The following ABCA13 variants were observed in gnomAD, a reference collection of about 807,000 sequenced individuals.
ABCA13 encodes the protein ATP-binding cassette sub-family A member 13.
ABCA13 carries 476 observed loss-of-function variants against 478.7 expected under a neutral mutation model. The observed-to-expected ratio is 0.99, with a 90% confidence interval of 0.92 to 1.07. The LOEUF is 1.07. Ranked by LOEUF, ABCA13 falls within the 50% of genes least tolerant of loss-of-function variation. The pLI, the probability that ABCA13 is intolerant of heterozygous loss-of-function variation, is 0.00. For synonymous variants in ABCA13, 2,252 were observed against 2,158.9 expected (o/e 1.04, Z -1.20); for missense variants, 6,060 against 5,910.6 (o/e 1.03, Z -0.83).
chr7:48,457,275 C>CTA (rs147499501), intron 43 of ABCA13, among the ~76,000 whole-genome samples: 38,598 of 151,450 alleles, frequency 0.25, 5,219 homozygotes, highest in Middle Eastern at 0.35. Flanking sequence ...TAAGCATCAT[C>CTA]TATATATATA....
At chr7:48,219,096 A>G (rs1786940667) in intron 3 of ABCA13, among the ~76,000 whole-genome samples, 1 of 152,362 alleles carries the variant, frequency 6.6e-6, no homozygotes, top group Non-Finnish European at 1.5e-5. Context: ...AAAATGGCTT[A>G]TAAACATAAA....
intron 48 of ABCA13, among the ~76,000 whole-genome samples, chr7:48,490,708 G>T (rs916792079): frequency 2.0e-5 from 3 of 152,176 alleles, no homozygotes; most frequent in African/African-American, 7.2e-5. Context: ...GAATGTAGAG[G>T]GATAATTGTT....
intron 43 of ABCA13, among the ~76,000 whole-genome samples, chr7:48,465,162 A>G (rs1477176381): frequency 1.3e-5 from 2 of 152,230 alleles, no homozygotes; most frequent in Admixed American, 1.3e-4. Context: ...ATACTATTTC[A>G]AAACGCATAG....
At chr7:48,215,644 A>G (rs1282782382) in intron 3 of ABCA13, among the ~76,000 whole-genome samples, 4 of 152,224 alleles carry the variant, frequency 2.6e-5, no homozygotes, top group African/African-American at 7.2e-5. Flanking sequence ...ACACAATTCA[A>G]TAATTGTTAG....
At chr7:48,471,948 G>T (rs1158217419) in intron 45 of ABCA13, among the ~76,000 whole-genome samples, 2 of 152,104 alleles carry the variant, frequency 1.3e-5, no homozygotes, top group Non-Finnish European at 2.9e-5. Context: ...TGACCTCAAG[G>T]TTCTTGCCAT....
At position 48,273,529 on chromosome 7, in the gene ABCA13, T is replaced by C. The variant is rs746146987; in HGVS notation, c.3863T>C (p.Phe1288Ser). Residue 1288 changes from phenylalanine (F) to serine (S), a missense_variant, in exon 17 of 62, where the codon TTC becomes TCC. Coordinates refer to ENST00000435803, the MANE Select transcript of ABCA13 (RefSeq NM_152701.5). ...REFLNSLLEV[F>S]IEFSSTSEYI... The stretch of plus-strand genomic sequence containing the variant: ...TTTTTAAATTCTCTGCTTGAAGTTT[T>C]CATTGAGTTTAGCAGTACCTCAGAA... 2.9e-5 allele frequency: 46 copies of C among 1,585,520 alleles called. No homozygotes were observed. The highest frequency in any genetic ancestry group is 3.3e-4 in the Middle Eastern group (2 of 6,040).
At chr7:48,330,739 A>ATCCG (rs2128932218) in intron 27 of ABCA13, among the ~76,000 whole-genome samples, 1 of 140,310 alleles carries the variant, frequency 7.1e-6, no homozygotes, top group Non-Finnish European at 1.6e-5. Context: ...CCATTGACAC[A>ATCCG]TCCATCCATC....
At chr7:48,175,827 C>T (rs1448912732) in intron 1 of ABCA13, among the ~76,000 whole-genome samples, 1 of 152,030 alleles carries the variant, frequency 6.6e-6, no homozygotes, top group African/African-American at 2.4e-5. Context: ...TAAATCTATC[C>T]CTATTCTCTC....
Position 48,646,250 on chromosome 7 carries a change from C to T in ABCA13, c.*738C>T, listed in dbSNP as rs938474609. 1.3e-5 allele frequency: 2 copies of T among 152,074 alleles called. No individual in the cohort carries two copies. Among genetic ancestry groups the T allele is most frequent in the African/African-American group, 2.4e-5 (1 of 41,432 alleles). 9.4% of individuals were successfully genotyped at this position (152,074 alleles called of 1,614,324 possible). A position where few individuals can be genotyped will look rare whatever the true frequency, so the allele number is the denominator to read the frequency against. On this transcript the variant is annotated 3_prime_UTR_variant, in exon 62 of 62. Coordinates refer to ENST00000435803, the MANE Select transcript of ABCA13 (RefSeq NM_152701.5). ...GAGAAATAAAATGTAGATGCATTTTCTTTTTCTTCATTTGGATGAATAATT... is the reference window on the plus strand; with the variant it reads ...GAGAAATAAAATGTAGATGCATTTTTTTTTTCTTCATTTGGATGAATAATT...
intron 31 of ABCA13, among the ~76,000 whole-genome samples, chr7:48,354,095 G>T (rs1259534922): frequency 6.6e-6 from 1 of 151,984 alleles, no homozygotes; most frequent in Non-Finnish European, 1.5e-5. Context: ...ACACCTGAGA[G>T]CTCTGAGAAT....
At chr7:48,524,223 A>C in intron 53 of ABCA13, 25 bp from the exon 54 acceptor site, 1 of 1,599,652 alleles carries the variant, frequency 6.3e-7, no homozygotes, top group Non-Finnish European at 8.5e-7. Context: ...CTAGGTGTGA[A>C]TTCACTCTGA....
chr7:48,312,308 G>A (rs1222858006), intron 24 of ABCA13, among the ~76,000 whole-genome samples: 1 of 152,166 alleles, frequency 6.6e-6, no homozygotes, highest in African/African-American at 2.4e-5. Context: ...CGAAGAGCTG[G>A]CATTTCCTCA....
chr7:48,632,126 A>C (rs1794221075), intron 59 of ABCA13, among the ~76,000 whole-genome samples: 1 of 152,104 alleles, frequency 6.6e-6, no homozygotes, highest in Admixed American at 6.6e-5. Context: ...AGATAGATTT[A>C]CTTCCTCTTT....
At chr7:48,409,523 C>T (rs1421785461) in intron 39 of ABCA13, among the ~76,000 whole-genome samples, 2 of 152,166 alleles carry the variant, frequency 1.3e-5, no homozygotes, top group Non-Finnish European at 2.9e-5. Context: ...TCACCCACAA[C>T]ATACTCTCCT....
intron 18 of ABCA13, 92 bp from the exon 19 acceptor site, chr7:48,281,251 C>T (rs1281413145): frequency 2.0e-6 from 2 of 1,000,216 alleles, no homozygotes; most frequent in Admixed American, 2.0e-5. Flanking sequence ...ATGGTTCTTA[C>T]ATGTGTGTTA....
At chr7:48,431,617 G>A (rs900951281) in intron 42 of ABCA13, among the ~76,000 whole-genome samples, 13 of 152,056 alleles carry the variant, frequency 8.5e-5, no homozygotes, top group Admixed American at 1.3e-4. Flanking sequence ...GATTATTATT[G>A]TAGAATTGCC....
rs752399161 is a variant in ABCA13 at position 48,248,376 on chromosome 7, G to C, written c.1797G>C (p.Leu599=). The change falls in exon 14 of 62, where the codon CTG becomes CTC. Residue 599 remains leucine, a synonymous_variant. Coordinates refer to ENST00000435803, the MANE Select transcript of ABCA13 (RefSeq NM_152701.5). The part of the protein sequence containing the change: ...SLSCTRLFLL[L]GADPSPENDV... ...CCTGTACTCGGCTCTTCCTGCTGCT[G>C]GGAGCTGATCCCTCTCCTGAGAATG... 6.2e-7 allele frequency: 1 copy of C among 1,613,708 alleles called. No homozygotes were observed. The highest frequency in any genetic ancestry group is 1.7e-5 in the Admixed American group (1 of 60,006).
rs539576132 is a variant in ABCA13, at chr7:48,263,745, T to G, written c.2006-5235T>G. On this transcript the variant is annotated intron_variant, in intron 15 of 61. Transcript: ENST00000435803. ...TTTTGTTTAAAAAATTATTTGATAC[T>G]GTTGAGCTTTTTAAATTTTTTAATT... 2.0e-5 allele frequency among the ~76,000 whole-genome samples: 3 copies of G among 152,056 alleles called. No homozygotes were observed. The South Asian group carries it at 6.2e-4, about 31-fold the overall frequency.
Position 48,389,084 on chromosome 7 carries a change from C to T in ABCA13, c.11518C>T (p.Pro3840Ser). ...GGAAGGAGAGCTTGAAGGAAGTGCC[C>T]CGGGAGTCACCCTGGTGTCTGTGAC... ...NREGELEGSA[P>S]GVTLVSVTKE... The change falls in exon 37 of 62, where the codon CCG becomes TCG. Residue 3840 changes from proline (P) to serine (S), a missense_variant. Pro to Ser is a moderately conservative substitution (Grantham distance 74). This residue lies in a region of ABCA13 where 1,627 missense variants were observed against 1,571.0 expected (regional missense o/e 1.04). Coordinates refer to ENST00000435803, the MANE Select transcript of ABCA13 (RefSeq NM_152701.5). 1.2e-6 allele frequency: 2 copies of T among 1,613,866 alleles called. No individual in the cohort carries two copies. The highest frequency in any genetic ancestry group is 1.7e-6 in the Non-Finnish European group (2 of 1,179,838).
Sources: gnomAD v4.1 joint callset for allele counts (sites outside exome capture counted in the v4.1 genomes callset) on GRCh38, gnomAD v4.1.1 for gene constraint, gnomAD v4.1.1 regional missense constraint, MANE v1.5 for transcripts, NCBI Gene and HGNC (gene_info 2026-07-23, HGNC 2026-07-21) for gene names.